OR2C1: variants seen among roughly 807,000 people sequenced by gnomAD.
OR2C1 encodes the protein olfactory receptor 2C1.
For synonymous variants in OR2C1, 209 were observed against 167.3 expected, an observed-to-expected ratio of 1.25 and a Z score of -1.92; for missense variants, 468 against 388.3, an observed-to-expected ratio of 1.21 and a Z score of -1.73.
chr16:3,354,495 C>T (rs570013857), upstream of OR2C1, among the ~76,000 whole-genome samples: 2 of 152,148 alleles, frequency 1.3e-5, no homozygotes, highest in Non-Finnish European at 1.5e-5. Flanking sequence ...TTTGTTTGCT[C>T]TACATTGACC....
chr16:3,334,290 A>T, the OR2C1 span, among the ~76,000 whole-genome samples: 1 of 149,594 alleles, frequency 6.7e-6, no homozygotes, highest in Non-Finnish European at 1.5e-5. Flanking sequence ...GGCACGTACC[A>T]CCATGCCCAG....
chr16:3,355,694 A>G (rs902815316), upstream of OR2C1, among the ~76,000 whole-genome samples: 2 of 151,954 alleles, frequency 1.3e-5, no homozygotes, highest in African/African-American at 4.8e-5. Context: ...AGACAAGAGG[A>G]TTGCTTGAGC....
chr16:3,338,538 C>T, the OR2C1 span, among the ~76,000 whole-genome samples: 16 of 103,286 alleles, frequency 1.5e-4, 1 homozygote, highest in Non-Finnish European at 2.2e-4. Flanking sequence ...GTATAGGTAC[C>T]TTTTTTTTTT....
the OR2C1 span, among the ~76,000 whole-genome samples, chr16:3,337,817 T>A: frequency 3.9e-4 from 60 of 152,300 alleles, no homozygotes; most frequent in South Asian, 0.011. Flanking sequence ...TGGATGTCTG[T>A]CTGTCTTTGC....
chr16:3,338,825 C>T, the OR2C1 span, among the ~76,000 whole-genome samples: 5 of 152,072 alleles, frequency 3.3e-5, no homozygotes, highest in African/African-American at 4.8e-5. Flanking sequence ...CTTGAGCCAC[C>T]GCGCCCGGCC....
the OR2C1 span, among the ~76,000 whole-genome samples, chr16:3,333,920 C>A: frequency 6.6e-6 from 1 of 151,896 alleles, no homozygotes; most frequent in Admixed American, 6.6e-5. Context: ...CTATGTATAT[C>A]CACTTTCCCA....
upstream of OR2C1, among the ~76,000 whole-genome samples, chr16:3,354,128 C>G (rs1055161174): frequency 6.6e-6 from 1 of 151,836 alleles, no homozygotes; most frequent in African/African-American, 2.4e-5. Context: ...GGGCTGCAGG[C>G]GCCCGCCACC....
chr16:3,345,627 G>T, the OR2C1 span, among the ~76,000 whole-genome samples: 2 of 150,688 alleles, frequency 1.3e-5, no homozygotes, highest in Admixed American at 6.6e-5. Context: ...CATATCCAAA[G>T]AATTACATAT....
chr16:3,355,365 G>A (rs1171762216), upstream of OR2C1, among the ~76,000 whole-genome samples: 29 of 146,816 alleles, frequency 2.0e-4, no homozygotes, highest in Non-Finnish European at 4.5e-5. Flanking sequence ...GGCTGAGGCA[G>A]GAGAATTGCT....
chr16:3,353,028 C>A (rs1340723745), upstream of OR2C1, among the ~76,000 whole-genome samples: 2 of 151,784 alleles, frequency 1.3e-5, no homozygotes, highest in East Asian at 3.9e-4. Context: ...CAGGCGTCAG[C>A]CACTGCGCCC....
chr16:3,337,315 C>T, the OR2C1 span, among the ~76,000 whole-genome samples: 1 of 151,804 alleles, frequency 6.6e-6, no homozygotes, highest in Non-Finnish European at 1.5e-5. Context: ...CCACCATGCC[C>T]AGCTAATTTT....
chr16:3,331,591 C>G, the OR2C1 span, among the ~76,000 whole-genome samples: 3 of 151,454 alleles, frequency 2.0e-5, no homozygotes, highest in African/African-American at 7.3e-5. Flanking sequence ...GATCCAGTTT[C>G]AGCTTTCTCC....
chr16:3,337,553 G>A, the OR2C1 span, among the ~76,000 whole-genome samples: 1 of 151,758 alleles, frequency 6.6e-6, no homozygotes, highest in Non-Finnish European at 1.5e-5. Context: ...TTTTAATTCG[G>A]CAAGTGTTAT....
the OR2C1 span, among the ~76,000 whole-genome samples, chr16:3,336,857 T>C: frequency 6.6e-6 from 1 of 151,708 alleles, no homozygotes; most frequent in Non-Finnish European, 1.5e-5. Flanking sequence ...TATAGGCATG[T>C]GCCACCACAC....
chr16:3,331,908 G>A, the OR2C1 span, among the ~76,000 whole-genome samples: 1 of 151,752 alleles, frequency 6.6e-6, no homozygotes. Flanking sequence ...AAAAAATGAT[G>A]AGTTCACGTC....
the OR2C1 span, among the ~76,000 whole-genome samples, chr16:3,342,422 A>T: frequency 1.3e-5 from 2 of 152,342 alleles, no homozygotes; most frequent in African/African-American, 2.4e-5. Flanking sequence ...CTGGCCTAAG[A>T]ACTATTGCAA....
chr16:3,345,863 T>TCC, the OR2C1 span, among the ~76,000 whole-genome samples: 2 of 53,292 alleles, frequency 3.8e-5, no homozygotes, highest in South Asian at 8.8e-4. Context: ...TCCCTCCCTC[T>TCC]CTCTTTCGCT....
chr16:3,356,419 C>G lies in OR2C1; in HGVS notation c.479C>G (p.Ser160Ter), dbSNP rs1024997554. The change falls in exon 1 of 1, where the codon TCA becomes TGA. Residue 160 changes from serine (S) to a stop codon, truncating the protein, a stop_gained. Coordinates refer to ENST00000304936, the MANE Select transcript of OR2C1 (RefSeq NM_012368.3). LOFTEE classifies it low-confidence loss of function (END_TRUNC). ...GGCTTGGGCAACTCTGTGATCCAGT[C>G]AACATTCACTCTGCAGCTCCCATTG... ...LGGLGNSVIQ[S>*]TFTLQLPLCG... The G allele has an allele frequency of 6.2e-7, 1 of 1,613,752 alleles. No individual in the cohort carries two copies. The highest frequency in any genetic ancestry group is 8.5e-7 in the Non-Finnish European group (1 of 1,180,048).
chr16:3,338,510 G>C, the OR2C1 span, among the ~76,000 whole-genome samples: 34 of 149,414 alleles, frequency 2.3e-4, no homozygotes, highest in African/African-American at 8.3e-4. Context: ...GTTTTCTGTG[G>C]GGCTGGACAG....
Sources: gnomAD v4.1 joint callset for allele counts (sites outside exome capture counted in the v4.1 genomes callset) on GRCh38, gnomAD v4.1.1 for gene constraint, MANE v1.5 for transcripts, NCBI Gene and HGNC (gene_info 2026-07-23, HGNC 2026-07-21) for gene names.